NTN4: variants seen among roughly 807,000 people sequenced by gnomAD.
The protein encoded by NTN4 is netrin 4.
In NTN4, 32 loss-of-function variants were observed where a neutral mutation model predicts 73.6. The observed-to-expected ratio is 0.44, with a 90% confidence interval of 0.33 to 0.58. The LOEUF (loss-of-function observed/expected upper bound fraction) is 0.58. Among genes scored for constraint, NTN4 ranks in the 20% least tolerant of loss-of-function variants. The pLI, the probability that NTN4 is intolerant of heterozygous loss-of-function variation, is 0.04. For synonymous variants in NTN4, 258 were observed against 287.5 expected, an observed-to-expected ratio of 0.90 and a Z score of 1.04; for missense variants, 654 against 798.3, an observed-to-expected ratio of 0.82 and a Z score of 2.18.
rs781536682 is a variant in NTN4, at chr12:95,670,188, G to A, written c.1511-42C>T. On this transcript the variant is annotated intron_variant, in intron 7 of 9. Coordinates refer to ENST00000343702, the MANE Select transcript of NTN4 (RefSeq NM_021229.4). ...AAAAATGGTGTTAGTTATTAGAAAA[G>A]CAAAGAAAGAAAAAATAAGAGATCA... 7 of 1,243,158 alleles carry A rather than the reference G, an allele frequency of 5.6e-6. No homozygotes were observed. In the Admixed American group the frequency reaches 5.9e-5, roughly 11 times the overall value. 77.0% of individuals were successfully genotyped at this position (1,243,158 alleles called of 1,614,324 possible).
At chr12:95,679,617 CTCTTGCTTCAT>C (rs1464125306) in intron 7 of NTN4, among the ~76,000 whole-genome samples, 8 of 152,204 alleles carry the variant, frequency 5.3e-5, no homozygotes, top group Admixed American at 1.3e-4. Context: ...TTATTGCCCT[CTCTTGCTTCAT>C]TCTTGCTTGG....
chr12:95,686,739 C>A (rs2078363900), intron 5 of NTN4, among the ~76,000 whole-genome samples: 1 of 138,726 alleles, frequency 7.2e-6, no homozygotes, highest in African/African-American at 2.8e-5. Context: ...GCCTGGGTGA[C>A]AGAGCAAGAC....
At chr12:95,684,622 T>C (rs1479126631) in intron 5 of NTN4, among the ~76,000 whole-genome samples, 2 of 152,050 alleles carry the variant, frequency 1.3e-5, no homozygotes, top group African/African-American at 2.4e-5. Flanking sequence ...TCTTTAATAC[T>C]AGTCAAAAGT....
chr12:95,724,248 G>A (rs539435724), intron 3 of NTN4, among the ~76,000 whole-genome samples: 1 of 152,252 alleles, frequency 6.6e-6, no homozygotes, highest in East Asian at 1.9e-4. Flanking sequence ...ATGCCCAGGA[G>A]GCTTAAGAAG....
intron 5 of NTN4, among the ~76,000 whole-genome samples, chr12:95,705,602 C>T (rs1469628034): frequency 6.6e-6 from 1 of 152,162 alleles, no homozygotes; most frequent in African/African-American, 2.4e-5. Flanking sequence ...TCTACTCATG[C>T]TTTGTTAATT....
intron 2 of NTN4, among the ~76,000 whole-genome samples, chr12:95,744,993 T>A (rs925874092): frequency 6.6e-6 from 1 of 152,122 alleles, no homozygotes; most frequent in African/African-American, 2.4e-5. Context: ...AGGCTTACGT[T>A]GTTTCCAACA....
chr12:95,764,955 G>T (rs985532215), intron 2 of NTN4, among the ~76,000 whole-genome samples: 3 of 152,126 alleles, frequency 2.0e-5, no homozygotes, highest in African/African-American at 7.2e-5. Context: ...GGCAAGTCCC[G>T]AAAGGGAAGC....
At chr12:95,725,385 G>A (rs1367897785) in intron 3 of NTN4, among the ~76,000 whole-genome samples, 1 of 152,080 alleles carries the variant, frequency 6.6e-6, no homozygotes, top group Non-Finnish European at 1.5e-5. Context: ...TAGAAATGCT[G>A]TAAGGATTAT....
chr12:95,737,518 C>A (rs887717350), intron 3 of NTN4, among the ~76,000 whole-genome samples: 1 of 152,178 alleles, frequency 6.6e-6, no homozygotes, highest in African/African-American at 2.4e-5. Context: ...ATCTACTCCA[C>A]AATGGTCCCC....
At chr12:95,729,632 A>AGTGTGTGTGT (rs758891542) in intron 3 of NTN4, among the ~76,000 whole-genome samples, 11 of 124,086 alleles carry the variant, frequency 8.9e-5, no homozygotes, top group South Asian at 2.8e-4. Context: ...AGAGAGAGAG[A>AGTGTGTGTGT]GTGTGTGTGT....
intron 5 of NTN4, 131 bp downstream of exon 5, chr12:95,710,310 T>C: frequency 6.1e-6 from 4 of 650,798 alleles, no homozygotes; most frequent in Non-Finnish European, 7.5e-6. Context: ...ATGAAGAAAT[T>C]AACCGATATC....
intron 8 of NTN4, among the ~76,000 whole-genome samples, chr12:95,669,198 A>G (rs1182509656): frequency 6.8e-6 from 1 of 147,990 alleles, no homozygotes; most frequent in African/African-American, 2.5e-5. Context: ...ACAAAGCGAG[A>G]CTCTGTCTAA....
chr12:95,752,643 G>A (rs1164354726), intron 2 of NTN4, among the ~76,000 whole-genome samples: 30 of 149,454 alleles, frequency 2.0e-4, no homozygotes, highest in Admixed American at 1.9e-3. Flanking sequence ...AATCGTGTCC[G>A]ACTGATCTCT....
At chr12:95,671,490 A>G (rs2078230061) in intron 7 of NTN4, among the ~76,000 whole-genome samples, 1 of 152,174 alleles carries the variant, frequency 6.6e-6, no homozygotes, top group African/African-American at 2.4e-5. Context: ...TTAGATGAGC[A>G]GCGGCATTAG....
At chr12:95,700,080 A>ATTGTTTTTTTTTTTT (rs2078471825) in intron 5 of NTN4, among the ~76,000 whole-genome samples, 1 of 41,788 alleles carries the variant, frequency 2.4e-5, no homozygotes, top group Non-Finnish European at 4.3e-5. Flanking sequence ...TAAAGTGAGG[A>ATTGTTTTTTTTTTTT]TTTTTTTTTT....
intron 7 of NTN4, among the ~76,000 whole-genome samples, chr12:95,677,544 TAAGC>T (rs1455841927): frequency 2.0e-5 from 3 of 152,062 alleles, no homozygotes; most frequent in Non-Finnish European, 4.4e-5. Context: ...ATGAAAATCC[TAAGC>T]AAGCAAATAA....
At chr12:95,662,648 G>C (rs1196326082) in intron 9 of NTN4, among the ~76,000 whole-genome samples, 1 of 152,102 alleles carries the variant, frequency 6.6e-6, no homozygotes, top group Non-Finnish European at 1.5e-5. Flanking sequence ...AGAGTACAAT[G>C]TAAAATGAAT....
intron 3 of NTN4, among the ~76,000 whole-genome samples, chr12:95,721,175 T>C (rs898769195): frequency 1.3e-5 from 2 of 152,198 alleles, no homozygotes; most frequent in Admixed American, 6.5e-5. Context: ...GACACTTTTA[T>C]AAATAAAATT....
At chr12:95,680,641 G>A (rs547814802) in intron 7 of NTN4, among the ~76,000 whole-genome samples, 7 of 152,328 alleles carry the variant, frequency 4.6e-5, no homozygotes, top group East Asian at 3.9e-4. Flanking sequence ...TCACATAACC[G>A]CTTTTATATG....
Sources: allele counts gnomAD v4.1 joint callset (sites outside exome capture counted in the v4.1 genomes callset), GRCh38; gene constraint gnomAD v4.1.1; transcripts MANE v1.5; gene names NCBI Gene and HGNC (gene_info 2026-07-23, HGNC 2026-07-21).